GPATCH8: variants seen among roughly 807,000 people sequenced by gnomAD.
GPATCH8 encodes G patch domain-containing protein 8.
A neutral mutation model predicts 118.3 loss-of-function variants in GPATCH8; 18 were observed. That is an observed-to-expected ratio of 0.15 (90% confidence interval 0.11 to 0.23). GPATCH8 has a LOEUF of 0.23. Among genes scored for constraint, GPATCH8 ranks in the 10% least tolerant of loss-of-function variants. The pLI is 1.00. For missense variants in GPATCH8, 1,631 were observed against 1,873.8 expected (o/e 0.87, Z 2.39); for synonymous variants, 659 against 684.7 (o/e 0.96, Z 0.59).
At chr17:44,489,076 AAAAC>A (rs967648813) in intron 1 of GPATCH8, among the ~76,000 whole-genome samples, 39 of 152,224 alleles carry the variant, frequency 2.6e-4, no homozygotes, top group African/African-American at 8.9e-4. Context: ...AACAAAAACA[AAAAC>A]AAACAAAAAG....
At chr17:44,443,747 C>A (rs1431194780) in intron 3 of GPATCH8, among the ~76,000 whole-genome samples, 1 of 152,188 alleles carries the variant, frequency 6.6e-6, no homozygotes, top group Non-Finnish European at 1.5e-5. Flanking sequence ...CGGCTCACTG[C>A]AGCCTCAACC....
chr17:44,401,547 T>C (rs932681728), intron 7 of GPATCH8, 94 bp from the exon 8 acceptor site: 3 of 845,354 alleles, frequency 3.5e-6, no homozygotes, highest in Admixed American at 3.5e-5. Context: ...TATCCTATCA[T>C]TCATTATAGG....
rs2048757549 is a variant in GPATCH8, at chr17:44,395,763, T to C, written c.*1805A>G. 2.2e-6 allele frequency: 1 copy of C among 454,030 alleles called. No individual in the cohort carries two copies. Among genetic ancestry groups the C allele is most frequent in the Non-Finnish European group, 4.4e-6 (1 of 226,812 alleles). 28.1% of individuals were successfully genotyped at this position (454,030 alleles called of 1,614,324 possible). ...AACAGAGCCTTGGCCCAGGTAAGTATGGTTTTTCTTGTCAAGTGACCAACC... is the reference window on the plus strand; with the variant it reads ...AACAGAGCCTTGGCCCAGGTAAGTACGGTTTTTCTTGTCAAGTGACCAACC... On this transcript the variant is annotated 3_prime_UTR_variant, in exon 8 of 8. Transcript: ENST00000591680.
intron 6 of GPATCH8, among the ~76,000 whole-genome samples, chr17:44,408,876 C>T (rs1291502303): frequency 6.6e-6 from 1 of 152,148 alleles, no homozygotes; most frequent in African/African-American, 2.4e-5. Flanking sequence ...CCCTATAAGG[C>T]TTAGGAAGGC....
In GPATCH8 at chr17:44,437,916, C is replaced by T. The variant is rs180693124; in HGVS notation, c.194-1371G>A. Among the ~76,000 whole-genome samples the T allele has an allele frequency of 2.9e-4, 42 of 147,116 alleles. No homozygotes were observed. In the East Asian group the frequency reaches 8.3e-3, roughly 29 times the overall value. On this transcript the variant is annotated intron_variant, in intron 3 of 7. Coordinates refer to ENST00000591680, the MANE Select transcript of GPATCH8 (RefSeq NM_001002909.4). Reference sequence around the variant, plus strand: ...AAAAAAACAAAACAAAAAAACCAAACCCAAACTGTTAAAGAACATCTCATG... The same window carrying T: ...AAAAAAACAAAACAAAAAAACCAAATCCAAACTGTTAAAGAACATCTCATG...
Position 44,397,672 on chromosome 17 carries a change from G to A in GPATCH8, c.4405C>T (p.Pro1469Ser), listed in dbSNP as rs142093567. 3 of 1,613,126 alleles carry A rather than the reference G, an allele frequency of 1.9e-6. No homozygotes were observed. Among genetic ancestry groups the A allele is most frequent in the African/African-American group, 1.3e-5 (1 of 75,016 alleles). The change falls in exon 8 of 8, where the codon CCA becomes TCA. Residue 1469 changes from proline (P) to serine (S), a missense_variant. Pro to Ser is a moderately conservative substitution (Grantham distance 74). Coordinates refer to ENST00000591680, the MANE Select transcript of GPATCH8 (RefSeq NM_001002909.4). Reference protein sequence around the residue: ...HAALYPTLLAPRPAAAAATAL... With the variant: ...HAALYPTLLASRPAAAAATAL... ...GTGGCAGCTGCTGCAGCAGGCCGTG[G>A]AGCAAGTAGGGTGGGGTAGAGGGCA...
At chr17:44,437,547 GTGT>G (rs951000937) in intron 3 of GPATCH8, among the ~76,000 whole-genome samples, 14 of 151,864 alleles carry the variant, frequency 9.2e-5, no homozygotes, top group East Asian at 5.8e-4. Flanking sequence ...TTTTTTGGTT[GTGT>G]TGTTGTTGTT....
intron 6 of GPATCH8, among the ~76,000 whole-genome samples, chr17:44,420,468 A>G (rs1184411940): frequency 1.3e-5 from 2 of 152,190 alleles, no homozygotes; most frequent in Non-Finnish European, 2.9e-5. Context: ...TGTGCATTGT[A>G]GATGTTACCA....
intron 1 of GPATCH8, among the ~76,000 whole-genome samples, chr17:44,485,944 C>T (rs558341703): frequency 1.3e-5 from 2 of 152,116 alleles, no homozygotes; most frequent in Non-Finnish European, 2.9e-5. Flanking sequence ...ACCCAAGCTA[C>T]GGGGCAGTGG....
Position 44,399,399 on chromosome 17 carries a change from C to A in GPATCH8, c.2678G>T (p.Ser893Ile), listed in dbSNP as rs2048917698. The A allele has an allele frequency of 1.2e-6, 2 of 1,614,038 alleles. No individual in the cohort carries two copies. The highest frequency in any genetic ancestry group is 1.7e-6 in the Non-Finnish European group (2 of 1,179,878). ...YSRQRSYSDD[S>I]YSDYSDRSRR... ...TGATCTGTCACTGTAGTCACTGTAGCTGTCATCAGAGTAACTGCGCTGTCT... is the reference window on the plus strand; with the variant it reads ...TGATCTGTCACTGTAGTCACTGTAGATGTCATCAGAGTAACTGCGCTGTCT... The change falls in exon 8 of 8, where the codon AGC becomes ATC. Residue 893 changes from serine to isoleucine, a missense_variant. Physicochemically the swap from Ser to Ile is moderately radical, Grantham distance 142. Around this residue, in one of 8 missense-constraint regions of GPATCH8, gnomAD observed 922 missense variants for 879.7 expected, o/e 1.05. Coordinates refer to ENST00000591680, the MANE Select transcript of GPATCH8 (RefSeq NM_001002909.4).
At chr17:44,463,670 G>A (rs566248972) in intron 3 of GPATCH8, among the ~76,000 whole-genome samples, 22 of 152,306 alleles carry the variant, frequency 1.4e-4, no homozygotes, top group Admixed American at 1.0e-3. Context: ...GTGAGCCACC[G>A]CGCCCGGCCA....
At chr17:44,427,607 G>C (rs1386542063) in intron 5 of GPATCH8, among the ~76,000 whole-genome samples, 1 of 152,068 alleles carries the variant, frequency 6.6e-6, no homozygotes, top group Non-Finnish European at 1.5e-5. Flanking sequence ...GGCAGAAGCA[G>C]ATATGAATTT....
At chr17:44,413,473 G>A (rs2049525733) in intron 6 of GPATCH8, among the ~76,000 whole-genome samples, 1 of 151,954 alleles carries the variant, frequency 6.6e-6, no homozygotes, top group Non-Finnish European at 1.5e-5. Flanking sequence ...GAGCCACTGT[G>A]CCCAACCCAA....
intron 3 of GPATCH8, among the ~76,000 whole-genome samples, chr17:44,440,386 AT>A (rs2050648629): frequency 6.6e-6 from 1 of 152,342 alleles, no homozygotes; most frequent in East Asian, 1.9e-4. Context: ...TATTTTCTAA[AT>A]CAAAACCTTA....
In GPATCH8 at chr17:44,398,933, C is replaced by G. The variant is rs776477205; in HGVS notation, c.3144G>C (p.Gly1048=). The G allele has an allele frequency of 1.2e-6, 2 of 1,614,194 alleles. No individual in the cohort carries two copies. Among genetic ancestry groups the G allele is most frequent in the Non-Finnish European group, 1.7e-6 (2 of 1,180,032 alleles). Residue 1048 remains glycine, a synonymous_variant, in exon 8 of 8, where the codon GGG becomes GGC. Coordinates refer to ENST00000591680, the MANE Select transcript of GPATCH8 (RefSeq NM_001002909.4). ...CATCTCCTCTGCCATCATCTTTCTT[C>G]CCAGGACCTTCTCCCCGGCCTGATC... The part of the protein sequence containing the change: ...YFRSGRGEGP[G]KKDDGRGDDS...
At chr17:44,422,783 A>G (rs1298199533) in intron 6 of GPATCH8, among the ~76,000 whole-genome samples, 2 of 151,518 alleles carry the variant, frequency 1.3e-5, no homozygotes, top group African/African-American at 4.9e-5. Context: ...CGGCCGGCCT[A>G]ACATTTTTAA....
At chr17:44,424,627 G>A in intron 5 of GPATCH8, 135 bp from the exon 6 acceptor site, 1 of 696,084 alleles carries the variant, frequency 1.4e-6, no homozygotes, top group South Asian at 1.6e-5. Flanking sequence ...AGTAAAAGCT[G>A]GATGAAACAC....
At chr17:44,502,929 G>A (rs1970202596) in intron 1 of GPATCH8, among the ~76,000 whole-genome samples, 3 of 152,202 alleles carry the variant, frequency 2.0e-5, no homozygotes, top group Admixed American at 1.3e-4. Flanking sequence ...GGGTTCGGAA[G>A]CCTTGGCCTC....
intron 5 of GPATCH8, 151 bp downstream of exon 5, chr17:44,434,914 G>A (rs2050445545): frequency 2.9e-6 from 2 of 678,272 alleles, no homozygotes; most frequent in Non-Finnish European, 5.4e-6. Flanking sequence ...CAATAAATAG[G>A]AATGTAATAG....
Sources: allele counts gnomAD v4.1 joint callset (sites outside exome capture counted in the v4.1 genomes callset), GRCh38; gene constraint gnomAD v4.1.1; regional missense constraint gnomAD v4.1.1; transcripts MANE v1.5; gene names NCBI Gene and HGNC (gene_info 2026-07-23, HGNC 2026-07-21).